The following RSPRY1 variants were observed in gnomAD, a reference collection of about 807,000 sequenced individuals.
RSPRY1 encodes the protein RING finger and SPRY domain-containing protein 1.
Under a neutral mutation model 73.1 loss-of-function variants are expected in RSPRY1, and 23 were observed. The observed-to-expected ratio is 0.31, with a 90% CI of 0.23 to 0.45. The LOEUF is 0.45. RSPRY1 is among the 20% of genes least tolerant of loss of function. The probability of loss-of-function intolerance (pLI) is 1.00; values close to 1 mark genes in which losing one functional copy is unlikely to be tolerated. For missense variants in RSPRY1, 448 were observed against 698.7 expected, an observed-to-expected ratio of 0.64 and a Z score of 4.05; for synonymous variants, 226 against 251.4, an observed-to-expected ratio of 0.90 and a Z score of 0.95.
Position 57,216,252 on chromosome 16 carries a change from G to A in RSPRY1, c.769+79G>A, listed in dbSNP as rs544036137. The stretch of plus-strand genomic sequence containing the variant: ...TTTATTTTTCTTAGTTACTGGATAA[G>A]CCTACACTTTGAACCCCATCAGATG... On this transcript the variant is annotated intron_variant, in intron 7 of 14. Transcript: ENST00000394420. 38 of 1,060,442 alleles carry A rather than the reference G, an allele frequency of 3.6e-5. No homozygotes were observed. In the African/African-American group the frequency reaches 5.3e-4, roughly 15 times the overall value. The allele number at this position is 1,060,442 out of a possible 1,614,324, so 65.7% of individuals were successfully genotyped here.
chr16:57,212,902 A>C, intron 4 of RSPRY1, 70 bp from the exon 5 acceptor site: 1 of 1,530,662 alleles, frequency 6.5e-7, no homozygotes, highest in Non-Finnish European at 8.8e-7. Context: ...TTGTCTCAAA[A>C]AAAAAATGAG....
chr16:57,203,841 A>G (rs577281901), intron 1 of RSPRY1, among the ~76,000 whole-genome samples: 2 of 152,362 alleles, frequency 1.3e-5, no homozygotes, highest in Non-Finnish European at 1.5e-5. Flanking sequence ...TGAAAATACA[A>G]CTTTTGTGAT....
intron 4 of RSPRY1, among the ~76,000 whole-genome samples, chr16:57,211,672 G>A (rs1348585023): frequency 6.6e-6 from 1 of 151,954 alleles, no homozygotes; most frequent in African/African-American, 2.4e-5. Context: ...TAGAACAAAA[G>A]CATCGAACTT....
chr16:57,227,594 G>A, intron 11 of RSPRY1, 141 bp downstream of exon 11: 1 of 630,976 alleles, frequency 1.6e-6, no homozygotes, highest in Non-Finnish European at 2.9e-6. Context: ...TCACTGCCAA[G>A]GATATAAATG....
At chr16:57,186,250 A>C (rs1446404244), upstream of RSPRY1, 10 of 879,076 alleles carry the variant, frequency 1.1e-5, no homozygotes, top group Non-Finnish European at 1.4e-5. Flanking sequence ...TTGGCTGTCA[A>C]GGAGAGGGCT....
intron 2 of RSPRY1, among the ~76,000 whole-genome samples, chr16:57,205,635 G>A (rs111645158): frequency 4.6e-5 from 7 of 152,208 alleles, no homozygotes; most frequent in African/African-American, 1.7e-4. Context: ...CATCCAAGTA[G>A]AAAAAAACAT....
intron 1 of RSPRY1, among the ~76,000 whole-genome samples, chr16:57,197,491 T>C: frequency 6.6e-6 from 1 of 152,120 alleles, no homozygotes; most frequent in Non-Finnish European, 1.5e-5. Context: ...TTTTCACAGA[T>C]GGTCCTTTTT....
At chr16:57,203,863 T>G (rs1421653318) in intron 1 of RSPRY1, among the ~76,000 whole-genome samples, 2 of 152,238 alleles carry the variant, frequency 1.3e-5, no homozygotes, top group African/African-American at 4.8e-5. Flanking sequence ...TCAGTTTTCC[T>G]TTCCCAAAAC....
intron 1 of RSPRY1, among the ~76,000 whole-genome samples, chr16:57,195,505 T>G (rs2074424794): frequency 6.6e-6 from 1 of 152,010 alleles, no homozygotes. Context: ...AGAGTGGAAC[T>G]CCGTCTGAAA....
intron 1 of RSPRY1, among the ~76,000 whole-genome samples, chr16:57,192,352 C>T (rs940745856): frequency 2.6e-5 from 4 of 152,154 alleles, no homozygotes; most frequent in African/African-American, 9.7e-5. Flanking sequence ...ACCACAAGTA[C>T]TACGGAATAT....
At chr16:57,227,224 C>T (rs1348876647) in intron 10 of RSPRY1, 118 bp from the exon 11 acceptor site, 2 of 689,962 alleles carry the variant, frequency 2.9e-6, no homozygotes, top group Admixed American at 2.3e-5. Context: ...TGAGCTCTCT[C>T]ATCATCCAGA....
chr16:57,202,605 G>C (rs558988446), intron 1 of RSPRY1, among the ~76,000 whole-genome samples: 1 of 152,146 alleles, frequency 6.6e-6, no homozygotes, highest in South Asian at 2.1e-4. Flanking sequence ...GCTATTTCCA[G>C]CTGGTCCTTG....
At position 57,227,336 on chromosome 16, in the gene RSPRY1, C is replaced by G. The variant is rs746745692; in HGVS notation, c.1162-6C>G. 1 of 1,608,188 alleles carries G rather than the reference C, an allele frequency of 6.2e-7. No individual in the cohort carries two copies. Among genetic ancestry groups the G allele is most frequent in the Admixed American group, 1.7e-5 (1 of 59,986 alleles). ...TGCTAATCTTCTGGGCCTTGTCTCT[C>G]TCCAGGAAGGCTACGGCATTGGGGA... On this transcript the variant is annotated splice_polypyrimidine_tract_variant and splice_region_variant and intron_variant, in intron 10 of 14. Coordinates refer to ENST00000394420, the MANE Select transcript of RSPRY1 (RefSeq NM_133368.3).
At chr16:57,203,089 T>C (rs2146236647) in intron 1 of RSPRY1, among the ~76,000 whole-genome samples, 1 of 152,072 alleles carries the variant, frequency 6.6e-6, no homozygotes, top group African/African-American at 2.4e-5. Flanking sequence ...GCAGATAGCC[T>C]GAGGTCAGGA....
intron 4 of RSPRY1, among the ~76,000 whole-genome samples, chr16:57,211,479 G>A (rs1414431102): frequency 1.3e-5 from 2 of 152,156 alleles, no homozygotes; most frequent in Non-Finnish European, 1.5e-5. Context: ...TGAGGCAGGA[G>A]AATCACTTGA....
rs1249826239 is a variant in RSPRY1 at position 57,200,958 on chromosome 16, G to A, written c.-155-3546G>A. Among the ~76,000 whole-genome samples, 241 of 129,364 alleles carry A rather than the reference G, an allele frequency of 1.9e-3. 10 individuals carry two copies. Among genetic ancestry groups the A allele is most frequent in the African/African-American group, 6.7e-3 (234 of 34,740 alleles). The allele number at this position is 129,364 out of a possible 152,430, so 84.9% of individuals were successfully genotyped here. On this transcript the variant is annotated intron_variant, in intron 1 of 14. Coordinates refer to ENST00000394420, the MANE Select transcript of RSPRY1 (RefSeq NM_133368.3). The stretch of plus-strand genomic sequence containing the variant: ...ACGGGGCGGCTGGCCGGGGGGGGGG[G>A]GGGCTGACCCCCCCACCTCCCTCCC...
At chr16:57,237,429 T>G (rs1010543992) in intron 14 of RSPRY1, among the ~76,000 whole-genome samples, 13 of 151,908 alleles carry the variant, frequency 8.6e-5, no homozygotes, top group Admixed American at 2.6e-4. Context: ...CAGGCATGAG[T>G]CACCATGCCC....
At chr16:57,205,763 T>G (rs2074712902) in intron 2 of RSPRY1, among the ~76,000 whole-genome samples, 1 of 152,256 alleles carries the variant, frequency 6.6e-6, no homozygotes, top group African/African-American at 2.4e-5. Flanking sequence ...AAGTTACTTC[T>G]TGAAGCCTCA....
At chr16:57,218,163 G>A (rs908469558) in intron 8 of RSPRY1, among the ~76,000 whole-genome samples, 1 of 152,080 alleles carries the variant, frequency 6.6e-6, no homozygotes, top group Admixed American at 6.6e-5. Context: ...CTTCCAGGGG[G>A]ATTATTTTTA....
Sources: allele counts gnomAD v4.1 joint callset (sites outside exome capture counted in the v4.1 genomes callset), GRCh38; gene constraint gnomAD v4.1.1; transcripts MANE v1.5; gene names NCBI Gene and HGNC (gene_info 2026-07-23, HGNC 2026-07-21).